The following CNTN1 variants were observed in gnomAD, a reference collection of about 807,000 sequenced individuals.
CNTN1 encodes contactin 1.
A neutral mutation model predicts 126.4 loss-of-function variants in CNTN1; 38 were observed. The observed-to-expected ratio is 0.30, with a 90% CI of 0.23 to 0.39. CNTN1 has a LOEUF of 0.39. CNTN1 is among the 10% of genes least tolerant of loss of function. The pLI, the probability that CNTN1 is intolerant of heterozygous loss-of-function variation, is 1.00. For synonymous variants in CNTN1, 413 were observed against 422.6 expected (o/e 0.98, Z 0.28); for missense variants, 1,009 against 1,248.4 (o/e 0.81, Z 2.89).
Position 40,729,169 on chromosome 12 carries a change from A to T in CNTN1, c.-77+36577A>T, listed in dbSNP as rs4408379. ...TGAATCTGAACAGGCTCTTAAAGAT[A>T]CTTCTCAAGTTAAATTTTTCTGATC... On this transcript the variant is annotated intron_variant, in intron 1 of 23. Coordinates refer to ENST00000551295, the MANE Select transcript of CNTN1 (RefSeq NM_001843.4). The T allele has an allele frequency of 8.3e-3, 1,737 of 209,642 alleles. 14 individuals are homozygous for T. Among genetic ancestry groups the T allele is most frequent in the Middle Eastern group, 0.018 (13 of 712 alleles). 13.0% of individuals were successfully genotyped at this position (209,642 alleles called of 1,614,324 possible).
At position 41,027,959 on chromosome 12, in the gene CNTN1, C is replaced by T. The variant is rs141213968; in HGVS notation, c.2813C>T (p.Thr938Met). 4.9e-5 allele frequency: 78 copies of T among 1,593,364 alleles called. No individual in the cohort carries two copies. Among genetic ancestry groups the T allele is most frequent in the Non-Finnish European group, 5.4e-5 (63 of 1,161,326 alleles). The change falls in exon 22 of 24, where the codon ACG becomes ATG. Residue 938 changes from threonine to methionine, a missense_variant. Transcript: ENST00000551295. ...GCACTATCAAATGAATCTACAGTGACGGGATATAAGGTATATACAAATAGT... is the reference window on the plus strand; with the variant it reads ...GCACTATCAAATGAATCTACAGTGATGGGATATAAGGTATATACAAATAGT... Reference protein sequence around the residue: ...VVALSNESTVTGYKVLYRPDG... With the variant: ...VVALSNESTVMGYKVLYRPDG...
chr12:40,856,534 A>G (rs547066693), intron 1 of CNTN1, among the ~76,000 whole-genome samples: 1 of 152,136 alleles, frequency 6.6e-6, no homozygotes, highest in African/African-American at 2.4e-5. Flanking sequence ...GTCATCAGCC[A>G]CAAGGGTGAA....
intron 20 of CNTN1, among the ~76,000 whole-genome samples, chr12:41,022,399 G>A (rs920014206): frequency 1.4e-4 from 21 of 152,172 alleles, no homozygotes; most frequent in African/African-American, 4.8e-4. Context: ...TTGCTGCTGA[G>A]CAAACATGGG....
chr12:41,053,777 G>T (rs1361560668), intron 23 of CNTN1, among the ~76,000 whole-genome samples: 1 of 151,470 alleles, frequency 6.6e-6, no homozygotes, highest in Non-Finnish European at 1.5e-5. Context: ...TTTGGATTCA[G>T]TTAAAGGAAT....
intron 1 of CNTN1, among the ~76,000 whole-genome samples, chr12:40,706,724 C>A (rs1440958089): frequency 6.6e-6 from 1 of 152,198 alleles, no homozygotes. Flanking sequence ...CAGATGCCCA[C>A]ACTACTTCTT....
At chr12:40,915,694 C>T (rs1945205485) in intron 3 of CNTN1, among the ~76,000 whole-genome samples, 1 of 152,076 alleles carries the variant, frequency 6.6e-6, no homozygotes, top group Admixed American at 6.6e-5. Flanking sequence ...TTTCACTGAG[C>T]AGATCTTTTG....
At chr12:40,923,978 C>T (rs1945541488) in intron 5 of CNTN1, among the ~76,000 whole-genome samples, 1 of 152,024 alleles carries the variant, frequency 6.6e-6, no homozygotes, top group African/African-American at 2.4e-5. Flanking sequence ...ATCAAGGAAT[C>T]AAGTGAAATG....
chr12:40,901,874 T>G (rs1185672567), intron 1 of CNTN1, among the ~76,000 whole-genome samples: 2 of 152,226 alleles, frequency 1.3e-5, no homozygotes, highest in African/African-American at 4.8e-5. Context: ...ACATTGTTAA[T>G]GACTTCATAG....
At chr12:40,947,167 G>C (rs1277252835) in intron 14 of CNTN1, among the ~76,000 whole-genome samples, 1 of 151,838 alleles carries the variant, frequency 6.6e-6, no homozygotes, top group African/African-American at 2.4e-5. Context: ...TGCACACCTA[G>C]TACTGATTAT....
chr12:40,852,066 CA>C (rs1356463840), intron 1 of CNTN1, among the ~76,000 whole-genome samples: 1 of 152,116 alleles, frequency 6.6e-6, no homozygotes, highest in African/African-American at 2.4e-5. Context: ...ACAAATAAAT[CA>C]ACCATTACCA....
intron 1 of CNTN1, among the ~76,000 whole-genome samples, chr12:40,813,941 A>T (rs1941174727): frequency 1.3e-5 from 2 of 152,012 alleles, no homozygotes; most frequent in African/African-American, 4.8e-5. Context: ...TTCTCTGAGG[A>T]TCAGTGGTGT....
At chr12:40,790,265 C>T (rs768896791) in intron 1 of CNTN1, among the ~76,000 whole-genome samples, 1 of 152,072 alleles carries the variant, frequency 6.6e-6, no homozygotes, top group Admixed American at 6.6e-5. Flanking sequence ...AAAGGCAACA[C>T]AGATGAACTT....
intron 23 of CNTN1, among the ~76,000 whole-genome samples, chr12:41,037,825 G>C (rs1949300293): frequency 6.6e-6 from 1 of 152,062 alleles, no homozygotes; most frequent in Admixed American, 6.6e-5. Flanking sequence ...TTATTTGCCT[G>C]GCTGGTGAGT....
At chr12:41,030,013 G>T (rs1274134226) in intron 23 of CNTN1, among the ~76,000 whole-genome samples, 2 of 151,708 alleles carry the variant, frequency 1.3e-5, no homozygotes, top group Non-Finnish European at 2.9e-5. Context: ...GTTAATTTGA[G>T]AAATGTATGA....
chr12:40,844,210 G>A (rs1354146094), intron 1 of CNTN1, among the ~76,000 whole-genome samples: 4 of 151,732 alleles, frequency 2.6e-5, no homozygotes, highest in Non-Finnish European at 4.4e-5. Context: ...TGGGTCTACA[G>A]GCATGCGCCA....
chr12:40,993,370 T>A, intron 17 of CNTN1, 101 bp downstream of exon 17: 1 of 967,520 alleles, frequency 1.0e-6, no homozygotes, highest in South Asian at 1.4e-5. Flanking sequence ...CTGAGGTAAG[T>A]GATTCATCTG....
chr12:40,754,383 C>T (rs1224321137), intron 1 of CNTN1, among the ~76,000 whole-genome samples: 1 of 152,080 alleles, frequency 6.6e-6, no homozygotes, highest in African/African-American at 2.4e-5. Flanking sequence ...GCACATTCTC[C>T]TGCATACTTT....
intron 1 of CNTN1, among the ~76,000 whole-genome samples, chr12:40,879,306 A>T (rs900496368): frequency 6.6e-6 from 1 of 152,090 alleles, no homozygotes; most frequent in Non-Finnish European, 1.5e-5. Flanking sequence ...TCTCCAAAGG[A>T]TTTTCCAATA....
At chr12:40,990,235 A>G (rs1017152755) in intron 16 of CNTN1, among the ~76,000 whole-genome samples, 6 of 152,206 alleles carry the variant, frequency 3.9e-5, no homozygotes, top group Non-Finnish European at 7.3e-5. Flanking sequence ...TTTGTTCTAA[A>G]AAGAAGAGTT....
Sources: gnomAD v4.1 joint callset for allele counts (sites outside exome capture counted in the v4.1 genomes callset) on GRCh38, gnomAD v4.1.1 for gene constraint, MANE v1.5 for transcripts, NCBI Gene and HGNC (gene_info 2026-07-23, HGNC 2026-07-21) for gene names.